The following ETV6 variants were observed in gnomAD, a reference collection of about 807,000 sequenced individuals.
ETV6 encodes transcription factor ETV6.
Under a neutral mutation model 51.1 loss-of-function variants are expected in ETV6, and 16 were observed. That is an observed-to-expected ratio of 0.31 (90% confidence interval 0.21 to 0.48). The LOEUF (loss-of-function observed/expected upper bound fraction) is 0.48. ETV6 is among the 20% of genes least tolerant of loss of function. The pLI, the probability that ETV6 is intolerant of heterozygous loss-of-function variation, is 0.99. For synonymous variants in ETV6, 240 were observed against 224.1 expected (o/e 1.07, Z -0.64); for missense variants, 458 against 594.8 (o/e 0.77, Z 2.39).
intron 1 of ETV6, among the ~76,000 whole-genome samples, chr12:11,721,146 A>G (rs1865377493): frequency 6.6e-6 from 1 of 152,240 alleles, no homozygotes; most frequent in South Asian, 2.1e-4. Context: ...GTCATTGTAG[A>G]AAGCAGTTTG....
At chr12:11,876,492 T>C (rs1673833155) in intron 5 of ETV6, among the ~76,000 whole-genome samples, 1 of 152,250 alleles carries the variant, frequency 6.6e-6, no homozygotes, top group South Asian at 2.1e-4. Context: ...TTTAGTTTTC[T>C]CTTAAAGTAC....
At chr12:11,872,186 A>C (rs1480767553) in intron 5 of ETV6, among the ~76,000 whole-genome samples, 1 of 152,228 alleles carries the variant, frequency 6.6e-6, no homozygotes, top group Non-Finnish European at 1.5e-5. Flanking sequence ...AGGGGAAACC[A>C]CAGAGGAAAC....
intron 1 of ETV6, among the ~76,000 whole-genome samples, chr12:11,678,700 A>G (rs1864468904): frequency 6.6e-6 from 1 of 152,238 alleles, no homozygotes; most frequent in African/African-American, 2.4e-5. Flanking sequence ...AAGTCCCATG[A>G]TCTGCCATCT....
At chr12:11,884,286 T>C (rs139705806) in intron 5 of ETV6, among the ~76,000 whole-genome samples, 159 bp from the exon 6 acceptor site, 1 of 152,338 alleles carries the variant, frequency 6.6e-6, no homozygotes, top group African/African-American at 2.4e-5. Context: ...TCCATCTTTC[T>C]GGGCCTCCGT....
At chr12:11,770,613 A>T (rs1945229290) in intron 2 of ETV6, among the ~76,000 whole-genome samples, 1 of 152,182 alleles carries the variant, frequency 6.6e-6, no homozygotes, top group African/African-American at 2.4e-5. Flanking sequence ...CTTATCTTCC[A>T]ATAACCTTAG....
Position 11,676,704 on chromosome 12 carries a change from T to G in ETV6, c.33+26544T>G, listed in dbSNP as rs188807306. ...TTGAAACTTCTATCACATCACCTTG[T>G]TTGTATGCATCATTTGTCAATAAGC... On this transcript the variant is annotated intron_variant, in intron 1 of 7. Transcript: ENST00000396373. 1.2e-4 allele frequency among the ~76,000 whole-genome samples: 18 copies of G among 152,338 alleles called. No homozygotes were observed. The East Asian group carries it at 2.9e-3, about 24-fold the overall frequency.
intron 2 of ETV6, among the ~76,000 whole-genome samples, chr12:11,765,110 C>T (rs975735142): frequency 6.6e-6 from 1 of 152,186 alleles, no homozygotes; most frequent in Non-Finnish European, 1.5e-5. Flanking sequence ...GAATAACTCA[C>T]TAAAATAAAA....
intron 7 of ETV6, among the ~76,000 whole-genome samples, chr12:11,888,047 A>T (rs553205644): frequency 6.6e-6 from 1 of 152,314 alleles, no homozygotes; most frequent in South Asian, 2.1e-4. Flanking sequence ...GAGACTAGAA[A>T]AAAGTAAAGG....
intron 5 of ETV6, among the ~76,000 whole-genome samples, chr12:11,883,805 A>G (rs2136592405): frequency 6.6e-6 from 1 of 152,260 alleles, no homozygotes; most frequent in Non-Finnish European, 1.5e-5. Context: ...AGACCTCCAA[A>G]ATGTGATAGA....
chr12:11,850,460 A>C (rs186322851), intron 3 of ETV6, among the ~76,000 whole-genome samples: 13 of 75,640 alleles, frequency 1.7e-4, no homozygotes, highest in African/African-American at 3.8e-4. Context: ...ATATTCCTCT[A>C]TTCTCCATGT....
At chr12:11,791,375 C>T (rs751856587) in intron 2 of ETV6, among the ~76,000 whole-genome samples, 12 of 152,164 alleles carry the variant, frequency 7.9e-5, no homozygotes, top group Non-Finnish European at 1.5e-4. Flanking sequence ...GTCTTCCTGC[C>T]ATAGGGATGT....
chr12:11,704,722 T>C (rs1483913200), intron 1 of ETV6, among the ~76,000 whole-genome samples: 4 of 152,158 alleles, frequency 2.6e-5, no homozygotes, highest in Non-Finnish European at 4.4e-5. Context: ...GGGATACATA[T>C]AGCTAATAGA....
chr12:11,749,100 G>A (rs1865962851), intron 1 of ETV6, among the ~76,000 whole-genome samples: 1 of 152,020 alleles, frequency 6.6e-6, no homozygotes, highest in African/African-American at 2.4e-5. Context: ...TGAGAGCAGC[G>A]TGTTTTATTT....
At chr12:11,735,128 T>C (rs1365969080) in intron 1 of ETV6, among the ~76,000 whole-genome samples, 1 of 122,648 alleles carries the variant, frequency 8.2e-6, no homozygotes, top group Non-Finnish European at 1.6e-5. Flanking sequence ...TACTAGGTCC[T>C]GCTTCCAAGC....
chr12:11,733,845 C>T (rs1364775284), intron 1 of ETV6, among the ~76,000 whole-genome samples: 5 of 152,206 alleles, frequency 3.3e-5, no homozygotes, highest in East Asian at 1.9e-4. Flanking sequence ...AGAGGTGGCC[C>T]GCTGTACTGA....
intron 2 of ETV6, among the ~76,000 whole-genome samples, chr12:11,828,064 A>C (rs1018089890): frequency 6.6e-6 from 1 of 152,032 alleles, no homozygotes; most frequent in Admixed American, 6.6e-5. Context: ...CTATTTTCCT[A>C]CTTTTTTTTT....
At chr12:11,664,062 T>A (rs1864150756) in intron 1 of ETV6, among the ~76,000 whole-genome samples, 1 of 152,210 alleles carries the variant, frequency 6.6e-6, no homozygotes, top group Non-Finnish European at 1.5e-5. Context: ...CAAACTAGCG[T>A]TTGGGTTCCC....
chr12:11,768,923 CT>C (rs1565518946), intron 2 of ETV6: 3 of 485,344 alleles, frequency 6.2e-6, no homozygotes, highest in South Asian at 3.0e-5. Flanking sequence ...CCATTTGTGA[CT>C]GCTTGGGCTT....
At chr12:11,760,175 A>G (rs1183718142) in intron 2 of ETV6, among the ~76,000 whole-genome samples, 1 of 152,210 alleles carries the variant, frequency 6.6e-6, no homozygotes, top group Non-Finnish European at 1.5e-5. Context: ...GTAAATTCCC[A>G]AGTATAATTA....
Sources: gnomAD v4.1 joint callset for allele counts (sites outside exome capture counted in the v4.1 genomes callset) on GRCh38, gnomAD v4.1.1 for gene constraint, MANE v1.5 for transcripts, NCBI Gene and HGNC (gene_info 2026-07-23, HGNC 2026-07-21) for gene names.